The following RASA2 variants were observed in gnomAD, a reference collection of about 807,000 sequenced individuals.
RASA2 encodes RAS p21 protein activator 2.
RASA2 carries 155 observed loss-of-function variants against 118.2 expected under a neutral mutation model. The ratio of observed to expected loss-of-function variants is 1.31; its 90% CI spans 1.15 to 1.50. RASA2 has a LOEUF of 1.50. Ranked by LOEUF, RASA2 falls within the 40% of genes most tolerant of loss-of-function variation. The pLI is 0.00. For synonymous variants in RASA2, 353 were observed against 349.1 expected, an observed-to-expected ratio of 1.01 and a Z score of -0.12; for missense variants, 1,016 against 1,009.6, an observed-to-expected ratio of 1.01 and a Z score of -0.09.
chr3:141,535,397 A>G (rs1242282065), intron 4 of RASA2, among the ~76,000 whole-genome samples: 1 of 152,214 alleles, frequency 6.6e-6, no homozygotes, highest in African/African-American at 2.4e-5. Flanking sequence ...GTTATTTTAT[A>G]TGGAAATGGT....
intron 6 of RASA2, among the ~76,000 whole-genome samples, 191 bp downstream of exon 6, chr3:141,554,131 A>G (rs538541018): frequency 3.3e-5 from 5 of 152,344 alleles, no homozygotes; most frequent in Admixed American, 6.5e-5. Flanking sequence ...TACAGACAGA[A>G]ATTGGTACCC....
chr3:141,503,879 T>C (rs936534462), intron 1 of RASA2, among the ~76,000 whole-genome samples: 7 of 152,242 alleles, frequency 4.6e-5, no homozygotes, highest in African/African-American at 1.4e-4. Flanking sequence ...CTTTAAGTGC[T>C]TTTGGTAACT....
chr3:141,530,293 T>A (rs907451611), intron 4 of RASA2, among the ~76,000 whole-genome samples: 6 of 152,136 alleles, frequency 3.9e-5, no homozygotes, highest in Non-Finnish European at 7.4e-5. Context: ...TTCACCTCGC[T>A]TTTTATTTGA....
chr3:141,590,647 T>C (rs558010159), intron 19 of RASA2, among the ~76,000 whole-genome samples: 51 of 152,340 alleles, frequency 3.3e-4, no homozygotes, highest in African/African-American at 1.2e-3. Context: ...GCTAGTTAAT[T>C]AGTCTTTTGC....
chr3:141,536,255 TGA>T (rs2082323739), intron 4 of RASA2, among the ~76,000 whole-genome samples: 1 of 151,526 alleles, frequency 6.6e-6, no homozygotes, highest in Non-Finnish European at 1.5e-5. Flanking sequence ...CAAAAGAAAA[TGA>T]GAGAGAAGCA....
chr3:141,551,815 C>T (rs986143134), intron 5 of RASA2, among the ~76,000 whole-genome samples: 14 of 151,978 alleles, frequency 9.2e-5, no homozygotes, highest in African/African-American at 1.2e-4. Flanking sequence ...ATAATATTTT[C>T]TTACCTTTGT....
chr3:141,569,812 GTCTAT>G (rs2082886877), intron 9 of RASA2, among the ~76,000 whole-genome samples: 1 of 151,846 alleles, frequency 6.6e-6, no homozygotes, highest in Non-Finnish European at 1.5e-5. Flanking sequence ...AACCCCCAGT[GTCTAT>G]TGTTACCATC....
chr3:141,600,938 G>A (rs780317488), intron 19 of RASA2, among the ~76,000 whole-genome samples: 4 of 152,158 alleles, frequency 2.6e-5, no homozygotes, highest in Non-Finnish European at 2.9e-5. Flanking sequence ...TGTAGGTTTA[G>A]GATAAGAGAG....
intron 3 of RASA2, among the ~76,000 whole-genome samples, chr3:141,527,530 C>G (rs2082201653): frequency 6.6e-6 from 1 of 151,988 alleles, no homozygotes; most frequent in Non-Finnish European, 1.5e-5. Flanking sequence ...TTTTGAGTAT[C>G]AAACTGTTAT....
intron 5 of RASA2, among the ~76,000 whole-genome samples, chr3:141,548,115 G>A (rs950924499): frequency 6.6e-6 from 1 of 152,056 alleles, no homozygotes; most frequent in African/African-American, 2.4e-5. Context: ...TTTGCATCAA[G>A]GTTCATCAGG....
chr3:141,539,312 A>G (rs532873600), intron 4 of RASA2, among the ~76,000 whole-genome samples: 4 of 152,310 alleles, frequency 2.6e-5, no homozygotes, highest in South Asian at 2.1e-4. Flanking sequence ...CGTAACTGCT[A>G]TTAATTTTTC....
rs2082909519 is a variant in RASA2, at chr3:141,570,980, TA to T, written c.935del (p.Asn312IlefsTer18). The T allele has an allele frequency of 1.2e-6, 2 of 1,612,476 alleles. No individual in the cohort carries two copies. The highest frequency in any genetic ancestry group is 1.7e-5 in the Admixed American group (1 of 59,840). On this transcript the variant is annotated frameshift_variant, in exon 10 of 24. Transcript: ENST00000286364. LOFTEE classifies it high-confidence loss of function. ...ACTGATGACCTGGGGTCTCTTCGATTAAATATATGTTATACAGAAGACTACG... is the reference window on the plus strand; with the variant it reads ...ACTGATGACCTGGGGTCTCTTCGATTAATATATGTTATACAGAAGACTACG... ...SKTDDLGSLRLNICYTEDYVL... is the reference protein window; with the variant it reads ...SKTDDLGSLRXNICYTEDYVL...
At chr3:141,506,958 C>T (rs1464822656) in intron 1 of RASA2, among the ~76,000 whole-genome samples, 1 of 151,060 alleles carries the variant, frequency 6.6e-6, no homozygotes, top group Admixed American at 6.6e-5. Context: ...ATTTGGCATT[C>T]CAAATTCATG....
At chr3:141,572,472 T>A in intron 11 of RASA2, 137 bp from the exon 12 acceptor site, 2 of 586,882 alleles carry the variant, frequency 3.4e-6, no homozygotes, top group East Asian at 6.4e-5. Flanking sequence ...TTACTAAAAT[T>A]GTAGGTCACT....
intron 19 of RASA2, among the ~76,000 whole-genome samples, chr3:141,606,909 A>G (rs1325429904): frequency 6.6e-6 from 1 of 152,184 alleles, no homozygotes; most frequent in Non-Finnish European, 1.5e-5. Context: ...ACAATATTAC[A>G]AAATGACCAG....
intron 5 of RASA2, among the ~76,000 whole-genome samples, chr3:141,546,136 G>C (rs1259565222): frequency 1.3e-5 from 2 of 152,128 alleles, no homozygotes; most frequent in African/African-American, 4.8e-5. Context: ...TCCAATTCTT[G>C]ACTATTGTGA....
chr3:141,604,582 G>T (rs1476722461), intron 19 of RASA2, among the ~76,000 whole-genome samples: 2 of 151,896 alleles, frequency 1.3e-5, no homozygotes, highest in Non-Finnish European at 2.9e-5. Context: ...TAATGATTTT[G>T]CATCCTTGCC....
chr3:141,489,923 A>G (rs1264065459), intron 1 of RASA2, among the ~76,000 whole-genome samples: 1 of 151,856 alleles, frequency 6.6e-6, no homozygotes, highest in Non-Finnish European at 1.5e-5. Flanking sequence ...CTCAATATAT[A>G]TAAAGGATGA....
At chr3:141,583,159 C>T (rs1159027627) in intron 17 of RASA2, among the ~76,000 whole-genome samples, 2 of 152,194 alleles carry the variant, frequency 1.3e-5, no homozygotes, top group Non-Finnish European at 2.9e-5. Context: ...TGCAGTGGCT[C>T]ATGCCTGTAA....
Sources: allele counts gnomAD v4.1 joint callset (sites outside exome capture counted in the v4.1 genomes callset), GRCh38; gene constraint gnomAD v4.1.1; transcripts MANE v1.5; gene names NCBI Gene and HGNC (gene_info 2026-07-23, HGNC 2026-07-21).